The following PPP2R2B variants were observed in gnomAD, a reference collection of about 807,000 sequenced individuals.
PPP2R2B encodes protein phosphatase 2 regulatory subunit Bbeta, also known as serine/threonine-protein phosphatase 2A 55 kDa regulatory subunit B beta isoform.
Under a neutral mutation model 46.0 loss-of-function variants are expected in PPP2R2B, and 5 were observed. The observed-to-expected ratio is 0.11, with a 90% CI of 0.06 to 0.23. The LOEUF is 0.23. Ranked by LOEUF, PPP2R2B falls within the 10% of genes least tolerant of loss-of-function variation. The probability of loss-of-function intolerance (pLI) is 1.00; values close to 1 mark genes in which losing one functional copy is unlikely to be tolerated. For synonymous variants in PPP2R2B, 215 were observed against 206.7 expected (o/e 1.04, Z -0.34); for missense variants, 367 against 575.0 (o/e 0.64, Z 3.70).
chr5:146,682,492 C>A (rs1462899474), intron 5 of PPP2R2B, among the ~76,000 whole-genome samples: 1 of 152,128 alleles, frequency 6.6e-6, no homozygotes, highest in African/African-American at 2.4e-5. Context: ...TCAGCTTGAA[C>A]CTGGTTTAAA....
intron 1 of PPP2R2B, among the ~76,000 whole-genome samples, chr5:147,018,649 G>T (rs1275120863): frequency 6.6e-6 from 1 of 152,074 alleles, no homozygotes; most frequent in Non-Finnish European, 1.5e-5. Context: ...AATTATTTGG[G>T]ACCTGGAGAG....
chr5:146,913,682 T>G lies in PPP2R2B; in HGVS notation c.79+141983A>C, dbSNP rs142609375. Reference sequence around the variant, plus strand: ...CATCTTTATTTTGAAAAACATAAACTGAATTGAGAGATGCAAAATTTGAGG... The same window carrying G: ...CATCTTTATTTTGAAAAACATAAACGGAATTGAGAGATGCAAAATTTGAGG... On this transcript the variant is annotated intron_variant, in intron 1 of 8. Transcript: ENST00000336640. 5.5e-3 allele frequency among the ~76,000 whole-genome samples: 843 copies of G among 152,270 alleles called. 2 individuals carry two copies. Among genetic ancestry groups the G allele is most frequent in the Middle Eastern group, 0.017 (5 of 294 alleles).
chr5:146,753,386 C>T (rs1753666809), intron 2 of PPP2R2B, among the ~76,000 whole-genome samples: 1 of 152,166 alleles, frequency 6.6e-6, no homozygotes, highest in Admixed American at 6.5e-5. Context: ...TTACACAGAG[C>T]AGGACCTCAA....
At chr5:146,748,911 A>G (rs1000007102) in intron 2 of PPP2R2B, among the ~76,000 whole-genome samples, 1 of 152,226 alleles carries the variant, frequency 6.6e-6, no homozygotes, top group African/African-American at 2.4e-5. Context: ...ACAAATACCC[A>G]GAGGTGCAAT....
chr5:146,861,104 G>A (rs1286823557), intron 2 of PPP2R2B, among the ~76,000 whole-genome samples: 2 of 143,232 alleles, frequency 1.4e-5, no homozygotes, highest in Non-Finnish European at 3.0e-5. Context: ...CGCTCGGGCT[G>A]GAGTGCAGTG....
chr5:146,678,231 G>T (rs977125774), intron 5 of PPP2R2B, among the ~76,000 whole-genome samples: 2 of 151,952 alleles, frequency 1.3e-5, no homozygotes, highest in African/African-American at 4.8e-5. Flanking sequence ...TGCAAGGCTG[G>T]CTCAATATAC....
chr5:146,656,812 C>T (rs780665222), intron 5 of PPP2R2B: 3 of 152,194 alleles, frequency 2.0e-5, no homozygotes, highest in Non-Finnish European at 4.4e-5. Flanking sequence ...GAGGAAAGCT[C>T]AGGGAGGTGT....
At position 146,960,425 on chromosome 5, in the gene PPP2R2B, G is replaced by A. The variant is rs147705779; in HGVS notation, c.79+95240C>T. ...CCACCTCAGCCTCCTGAGTAGCTGG[G>A]GTTACAGGCGCAGGCCACCACGCCC... On this transcript the variant is annotated intron_variant, in intron 1 of 8. Coordinates refer to the PPP2R2B transcript ENST00000336640. Among the ~76,000 whole-genome samples, 1,416 of 152,152 alleles carry A rather than the reference G, an allele frequency of 9.3e-3. 20 individuals carry two copies. The highest frequency in any genetic ancestry group is 0.032 in the African/African-American group (1,328 of 41,492).
chr5:146,671,667 A>G (rs1350022492), intron 5 of PPP2R2B, among the ~76,000 whole-genome samples: 1 of 152,220 alleles, frequency 6.6e-6, no homozygotes, highest in African/African-American at 2.4e-5. Context: ...TTCTCAGATG[A>G]GAAAACTGAG....
intron 5 of PPP2R2B, among the ~76,000 whole-genome samples, chr5:146,666,784 T>A (rs760728480): frequency 3.9e-5 from 6 of 152,246 alleles, no homozygotes; most frequent in African/African-American, 1.4e-4. Context: ...GCATTTATTA[T>A]TCCAAAGAAG....
chr5:146,744,318 G>A (rs1314353240), intron 2 of PPP2R2B, among the ~76,000 whole-genome samples: 1 of 152,146 alleles, frequency 6.6e-6, no homozygotes, highest in Non-Finnish European at 1.5e-5. Context: ...ATACAGATAT[G>A]TCTCCGCAGC....
At chr5:146,773,796 G>C (rs161026) in intron 2 of PPP2R2B, among the ~76,000 whole-genome samples, 1 of 152,134 alleles carries the variant, frequency 6.6e-6, no homozygotes, top group East Asian at 1.9e-4. Flanking sequence ...TATTTTTACC[G>C]TAGAGGCCAA....
intron 1 of PPP2R2B, among the ~76,000 whole-genome samples, chr5:146,951,632 T>C (rs1751599694): frequency 6.6e-6 from 1 of 152,088 alleles, no homozygotes; most frequent in South Asian, 2.1e-4. Flanking sequence ...GTTCCTGTGT[T>C]AGTTTGCTGA....
At chr5:146,689,716 C>T (rs749458444) in intron 5 of PPP2R2B, among the ~76,000 whole-genome samples, 17 of 152,324 alleles carry the variant, frequency 1.1e-4, no homozygotes, top group Non-Finnish European at 2.5e-4. Context: ...CTCTTCACTA[C>T]GCTACTTTCC....
chr5:147,002,785 A>T (rs945554943), intron 1 of PPP2R2B, among the ~76,000 whole-genome samples: 5 of 148,764 alleles, frequency 3.4e-5, no homozygotes, highest in Admixed American at 6.7e-5. Context: ...ATTGGTAAGC[A>T]CAACTCTTCT....
At chr5:146,700,543 G>A (rs1197042574) in intron 3 of PPP2R2B, among the ~76,000 whole-genome samples, 1 of 152,130 alleles carries the variant, frequency 6.6e-6, no homozygotes, top group East Asian at 1.9e-4. Flanking sequence ...TGTGATGTGT[G>A]TCATAAGCTT....
intron 2 of PPP2R2B, among the ~76,000 whole-genome samples, chr5:146,742,579 G>A (rs1057059441): frequency 6.6e-6 from 1 of 152,112 alleles, no homozygotes; most frequent in African/African-American, 2.4e-5. Context: ...GCAGGGTAGA[G>A]AATAGATTTA....
chr5:146,590,270 T>TTTC, intron 9 of PPP2R2B, 44 bp from the exon 10 acceptor site: 1 of 1,480,106 alleles, frequency 6.8e-7, no homozygotes, highest in Non-Finnish European at 9.0e-7. Context: ...TTCACTGTCT[T>TTTC]TTCTTTTTGG....
chr5:147,056,115 G>T (rs747135672), upstream of PPP2R2B: 10 of 1,049,962 alleles, frequency 9.5e-6, no homozygotes, highest in South Asian at 3.6e-5. Context: ...TTCTCTTTTC[G>T]CAAGAGAAAT....
Sources: allele counts gnomAD v4.1 joint callset (sites outside exome capture counted in the v4.1 genomes callset), GRCh38; gene constraint gnomAD v4.1.1; transcripts MANE v1.5; gene names NCBI Gene and HGNC (gene_info 2026-07-23, HGNC 2026-07-21).